ALG12: variants seen among roughly 807,000 people sequenced by gnomAD.
ALG12 encodes dol-P-Man:Man(7)GlcNAc(2)-PP-Dol alpha-1,6-mannosyltransferase.
A neutral mutation model predicts 46.0 loss-of-function variants in ALG12; 36 were observed. The observed-to-expected ratio is 0.78, with a 90% CI of 0.60 to 1.03. ALG12 has a LOEUF of 1.03. Ranked by LOEUF, ALG12 falls within the 50% of genes least tolerant of loss-of-function variation. ALG12 has a pLI of 0.00. For missense variants in ALG12, 599 were observed against 633.5 expected (o/e 0.95, Z 0.58); for synonymous variants, 326 against 291.6 (o/e 1.12, Z -1.20).
chr22:49,864,883 C>T, the ALG12 span, among the ~76,000 whole-genome samples: 2 of 141,504 alleles, frequency 1.4e-5, no homozygotes, highest in Non-Finnish European at 3.0e-5. Context: ...GCGAGTCAAA[C>T]CATCGATGAA....
chr22:49,889,863 C>T, the ALG12 span: 3 of 167,004 alleles, frequency 1.8e-5, no homozygotes, highest in South Asian at 2.1e-4. Context: ...ACCCCAGCTG[C>T]GAGCTGTTTG....
the ALG12 span, among the ~76,000 whole-genome samples, chr22:49,866,350 G>A: frequency 6.6e-6 from 1 of 151,778 alleles, no homozygotes; most frequent in Non-Finnish European, 1.5e-5. Context: ...CTTTTAAATT[G>A]GTCCGTTTCT....
the ALG12 span, among the ~76,000 whole-genome samples, chr22:49,891,045 AT>A: frequency 1.3e-5 from 2 of 151,090 alleles, no homozygotes; most frequent in South Asian, 2.1e-4. Context: ...AAAAAAAAAA[AT>A]GTTCTTTGGC....
At chr22:49,870,824 T>G in the ALG12 span, among the ~76,000 whole-genome samples, 2 of 152,184 alleles carry the variant, frequency 1.3e-5, no homozygotes, top group Non-Finnish European at 2.9e-5. Flanking sequence ...CAGAGGCTCT[T>G]TAGTTAGGTC....
chr22:49,865,197 A>G, the ALG12 span, among the ~76,000 whole-genome samples: 1 of 152,106 alleles, frequency 6.6e-6, no homozygotes, highest in Non-Finnish European at 1.5e-5. Flanking sequence ...ACTACACTGA[A>G]GCCTGTAGGC....
In ALG12 at chr22:49,901,613, T is replaced by C. The variant is rs1444923003; in HGVS notation, c.*2225A>G. On this transcript the variant is annotated 3_prime_UTR_variant, in exon 10 of 10. Coordinates refer to ENST00000330817, the MANE Select transcript of ALG12 (RefSeq NM_024105.4). ...TGTGTGCACCTGTGCATTGTGTGTG[T>C]GCATGCGTGGTGGGTATGTATGGTG... 1 of 146,346 alleles carries C rather than the reference T, an allele frequency of 6.8e-6. No individual in the cohort carries two copies. Among genetic ancestry groups the C allele is most frequent in the African/African-American group, 2.7e-5 (1 of 37,718 alleles). The allele number at this position is 146,346 out of a possible 1,614,324, so 9.1% of individuals were successfully genotyped here. A position where few individuals can be genotyped will look rare whatever the true frequency, so the allele number is the denominator to read the frequency against.
chr22:49,875,079 GTTTTGT>G, the ALG12 span, among the ~76,000 whole-genome samples: 2 of 152,122 alleles, frequency 1.3e-5, no homozygotes, highest in African/African-American at 2.4e-5. Context: ...ATTTGTTACA[GTTTTGT>G]TAAGGATTTT....
rs371284579 is a variant in ALG12, at chr22:49,915,331, G to A, written c.-78-1488C>T. ...CCCAGCTCTTCGGGAGGCTGAGGTG[G>A]GTGGATCACGAGGTCAGCAGATCAA... On this transcript the variant is annotated intron_variant, in intron 1 of 9. Transcript: ENST00000330817. 1.4e-4 allele frequency among the ~76,000 whole-genome samples: 21 copies of A among 152,250 alleles called. No individual in the cohort carries two copies. In the East Asian group the frequency reaches 3.7e-3, roughly 27 times the overall value.
At chr22:49,899,233 G>C (rs926063672), downstream of ALG12, among the ~76,000 whole-genome samples, 6 of 152,164 alleles carry the variant, frequency 3.9e-5, no homozygotes, top group Non-Finnish European at 8.8e-5. Context: ...AGCATTTTGG[G>C]TGGGAGGCCG....
At chr22:49,863,156 TG>T in the ALG12 span, among the ~76,000 whole-genome samples, 2 of 152,160 alleles carry the variant, frequency 1.3e-5, no homozygotes, top group Non-Finnish European at 2.9e-5. Context: ...CTCTATCCTT[TG>T]GTTTCTTGTA....
chr22:49,916,145 T>C (rs1601828919), intron 1 of ALG12, among the ~76,000 whole-genome samples: 2 of 151,894 alleles, frequency 1.3e-5, no homozygotes, highest in African/African-American at 4.8e-5. Flanking sequence ...CCCAGCTACT[T>C]GGGAGGCTGA....
At chr22:49,864,382 T>G in the ALG12 span, among the ~76,000 whole-genome samples, 1 of 152,230 alleles carries the variant, frequency 6.6e-6, no homozygotes, top group Non-Finnish European at 1.5e-5. Flanking sequence ...AGTGAAGATA[T>G]TTTTTGCCTA....
the ALG12 span, among the ~76,000 whole-genome samples, chr22:49,872,987 C>T: frequency 2.0e-5 from 3 of 152,282 alleles, no homozygotes; most frequent in Admixed American, 6.5e-5. Context: ...TGAACTACCG[C>T]GCCCAGCCAA....
intron 6 of ALG12, 44 bp from the exon 7 acceptor site, chr22:49,907,988 G>C (rs771332161): frequency 2.3e-5 from 36 of 1,586,294 alleles, no homozygotes; most frequent in Admixed American, 1.2e-4. Context: ...CCACGCATGA[G>C]CCCGTGGGCT....
intron 7 of ALG12, 30 bp from the exon 8 acceptor site, chr22:49,904,536 C>T (rs1220934617): frequency 6.2e-7 from 1 of 1,612,984 alleles, no homozygotes; most frequent in Non-Finnish European, 8.5e-7. Context: ...ACATCATAGG[C>T]AGAACGTAAT....
the ALG12 span, chr22:49,888,669 C>T: frequency 4.8e-5 from 8 of 167,246 alleles, no homozygotes; most frequent in East Asian, 5.6e-4. Flanking sequence ...ATGCAGGAGC[C>T]GGTGGGCAGC....
the ALG12 span, among the ~76,000 whole-genome samples, chr22:49,872,363 G>T: frequency 6.6e-6 from 1 of 152,072 alleles, no homozygotes; most frequent in Admixed American, 6.6e-5. Flanking sequence ...CGTATCTTTG[G>T]GTTCTGTGTA....
chr22:49,879,437 A>AT, the ALG12 span, among the ~76,000 whole-genome samples: 2 of 151,518 alleles, frequency 1.3e-5, no homozygotes, highest in Non-Finnish European at 2.9e-5. Flanking sequence ...TAATTTTTGT[A>AT]TTTTTTTGCA....
chr22:49,904,352 C>A lies in ALG12; in HGVS notation c.1147G>T (p.Val383Leu). 6.2e-7 allele frequency: 1 copy of A among 1,614,216 alleles called. No homozygotes were observed. The highest frequency in any genetic ancestry group is 1.1e-5 in the South Asian group (1 of 91,084). Reference sequence around the variant, plus strand: ...CAGCACCCACCTGTCTGGGGGGGCACCAGCTGGTGCAGCCTCTGCATTGCG... The same window carrying A: ...CAGCACCCACCTGTCTGGGGGGGCAACAGCTGGTGCAGCCTCTGCATTGCG... ...GVAMQRLHQL[V>L]PPQTDVLLHI... is the part of the protein sequence containing the mutation. Residue 383 changes from valine (V) to leucine (L), a missense_variant, in exon 8 of 10, where the codon GTG becomes TTG. Coordinates refer to ENST00000330817, the MANE Select transcript of ALG12 (RefSeq NM_024105.4).
Sources: gnomAD v4.1 joint callset for allele counts (sites outside exome capture counted in the v4.1 genomes callset) on GRCh38, gnomAD v4.1.1 for gene constraint, MANE v1.5 for transcripts, NCBI Gene and HGNC (gene_info 2026-07-23, HGNC 2026-07-21) for gene names.